CPNE4: variants seen among roughly 807,000 people sequenced by gnomAD.
CPNE4 encodes copine-4.
CPNE4 carries 25 observed loss-of-function variants against 67.9 expected under a neutral mutation model. The ratio of observed to expected loss-of-function variants is 0.37; its 90% CI spans 0.27 to 0.51. The LOEUF (loss-of-function observed/expected upper bound fraction) is 0.51. CPNE4 is among the 20% of genes least tolerant of loss of function. The pLI, the probability that CPNE4 is intolerant of heterozygous loss-of-function variation, is 0.93. For synonymous variants in CPNE4, 242 were observed against 244.9 expected (o/e 0.99, Z 0.11); for missense variants, 464 against 690.8 (o/e 0.67, Z 3.68).
chr3:131,597,447 A>C (rs755217954), intron 7 of CPNE4, among the ~76,000 whole-genome samples: 1 of 152,164 alleles, frequency 6.6e-6, no homozygotes, highest in Admixed American at 6.5e-5. Flanking sequence ...GTAACCCGGA[A>C]CTTAAAGTAT....
intron 1 of CPNE4, among the ~76,000 whole-genome samples, chr3:131,976,897 GTT>G (rs1203899273): frequency 6.6e-6 from 1 of 151,934 alleles, no homozygotes; most frequent in Non-Finnish European, 1.5e-5. Flanking sequence ...TGCCTCCAGG[GTT>G]CAAGCGATTC....
At chr3:131,553,321 G>A (rs1431474788) in intron 12 of CPNE4, among the ~76,000 whole-genome samples, 1 of 152,104 alleles carries the variant, frequency 6.6e-6, no homozygotes, top group African/African-American at 2.4e-5. Flanking sequence ...GGTGATCGGT[G>A]ATGCTCTCAG....
intron 2 of CPNE4, among the ~76,000 whole-genome samples, chr3:131,742,773 A>T (rs1202056735): frequency 6.6e-6 from 1 of 152,170 alleles, no homozygotes; most frequent in African/African-American, 2.4e-5. Context: ...AGATCCTTGT[A>T]TTAAAGGAAA....
intron 1 of CPNE4, among the ~76,000 whole-genome samples, chr3:132,002,395 CAAG>C (rs1036515124): frequency 2.6e-5 from 4 of 152,096 alleles, no homozygotes; most frequent in South Asian, 4.2e-4. Context: ...ACTCTGATTT[CAAG>C]AAGAATACAA....
At chr3:132,011,345 CT>C (rs1250757497) in intron 1 of CPNE4, among the ~76,000 whole-genome samples, 1 of 152,218 alleles carries the variant, frequency 6.6e-6, no homozygotes, top group African/African-American at 2.4e-5. Flanking sequence ...CAAGTAGCTC[CT>C]GAGCTCTTGC....
intron 2 of CPNE4, among the ~76,000 whole-genome samples, chr3:131,855,665 C>A (rs563143858): frequency 1.3e-5 from 2 of 151,624 alleles, no homozygotes; most frequent in African/African-American, 4.8e-5. Flanking sequence ...CTGTTTTGAT[C>A]GAAGTAGTTA....
At chr3:131,677,587 C>A (rs530520292) in intron 6 of CPNE4, among the ~76,000 whole-genome samples, 1 of 152,260 alleles carries the variant, frequency 6.6e-6, no homozygotes, top group Non-Finnish European at 1.5e-5. Flanking sequence ...AGTCTTTAAT[C>A]CATCTTGAGT....
intron 5 of CPNE4, among the ~76,000 whole-genome samples, chr3:131,689,372 C>T (rs2107685612): frequency 6.6e-6 from 1 of 152,162 alleles, no homozygotes; most frequent in South Asian, 2.1e-4. Context: ...AGTGGCACAA[C>T]AAAATTTAAT....
intron 2 of CPNE4, among the ~76,000 whole-genome samples, chr3:131,857,161 C>T (rs903941361): frequency 6.6e-6 from 1 of 151,870 alleles, no homozygotes; most frequent in African/African-American, 2.4e-5. Context: ...TAAACAACAC[C>T]TTATTGAAAG....
chr3:131,843,976 T>C (rs889460371), intron 2 of CPNE4, among the ~76,000 whole-genome samples: 4 of 152,154 alleles, frequency 2.6e-5, no homozygotes, highest in Non-Finnish European at 5.9e-5. Flanking sequence ...GTCCCTTGGA[T>C]AGAGCTGCTA....
At chr3:131,748,302 AC>A (rs1454462176) in intron 2 of CPNE4, among the ~76,000 whole-genome samples, 1 of 151,922 alleles carries the variant, frequency 6.6e-6, no homozygotes, top group Non-Finnish European at 1.5e-5. Context: ...CCTGGAATAA[AC>A]CCCACTTAGT....
At chr3:131,604,713 T>C (rs2107730473) in intron 7 of CPNE4, among the ~76,000 whole-genome samples, 1 of 152,254 alleles carries the variant, frequency 6.6e-6, no homozygotes, top group Non-Finnish European at 1.5e-5. Flanking sequence ...AGCCTGCAGA[T>C]GGCTGTTGTG....
chr3:131,947,838 T>C (rs1025636975), intron 1 of CPNE4, among the ~76,000 whole-genome samples: 4 of 152,206 alleles, frequency 2.6e-5, no homozygotes, highest in Non-Finnish European at 4.4e-5. Flanking sequence ...GTTGAACTAA[T>C]TTACACCCCC....
chr3:131,855,719 T>C (rs376248312), intron 2 of CPNE4, among the ~76,000 whole-genome samples: 12 of 151,906 alleles, frequency 7.9e-5, no homozygotes, highest in South Asian at 4.1e-4. Flanking sequence ...TGTGTATGTG[T>C]GTGTGTGATG....
intron 2 of CPNE4, among the ~76,000 whole-genome samples, chr3:131,901,744 G>A (rs1218763144): frequency 6.6e-6 from 1 of 152,176 alleles, no homozygotes; most frequent in African/African-American, 2.4e-5. Flanking sequence ...TTGGTTCTGG[G>A]ACTACCATCT....
At chr3:131,712,526 CACA>C (rs1278521759) in intron 3 of CPNE4, among the ~76,000 whole-genome samples, 2 of 152,202 alleles carry the variant, frequency 1.3e-5, no homozygotes, top group African/African-American at 4.8e-5. Context: ...CCGAAATCTT[CACA>C]ACTTCTAAAA....
At chr3:131,568,472 C>T (rs1422332635) in intron 10 of CPNE4, among the ~76,000 whole-genome samples, 4 of 151,932 alleles carry the variant, frequency 2.6e-5, no homozygotes, top group South Asian at 2.1e-4. Flanking sequence ...TTCTGAATAC[C>T]GGTGAGCTCG....
At chr3:131,596,246 G>A (rs879323890) in intron 7 of CPNE4, among the ~76,000 whole-genome samples, 5 of 152,064 alleles carry the variant, frequency 3.3e-5, no homozygotes, top group African/African-American at 7.2e-5. Flanking sequence ...AGGTGTCTGC[G>A]TATGTCAAAA....
At chr3:131,615,896 C>CAT (rs1308651290) in intron 7 of CPNE4, among the ~76,000 whole-genome samples, 3 of 94,238 alleles carry the variant, frequency 3.2e-5, no homozygotes, top group African/African-American at 2.2e-4. Flanking sequence ...CTCTCTCACA[C>CAT]ACACACACAC....
Sources: gnomAD v4.1 joint callset for allele counts (sites outside exome capture counted in the v4.1 genomes callset) on GRCh38, gnomAD v4.1.1 for gene constraint, MANE v1.5 for transcripts, NCBI Gene and HGNC (gene_info 2026-07-23, HGNC 2026-07-21) for gene names.